The following LUZP2 variants were observed in gnomAD, a reference collection of about 807,000 sequenced individuals.
LUZP2 encodes leucine zipper protein 2.
In LUZP2, 52 loss-of-function variants were observed where a neutral mutation model predicts 51.6. The ratio of observed to expected loss-of-function variants is 1.01; its 90% CI spans 0.81 to 1.27. The LOEUF (loss-of-function observed/expected upper bound fraction) is 1.27. LUZP2 is among the 50% of genes most tolerant of loss of function. The probability of loss-of-function intolerance (pLI) is 0.00; values close to 1 mark genes in which losing one functional copy is unlikely to be tolerated. For synonymous variants in LUZP2, 154 were observed against 137.3 expected (o/e 1.12, Z -0.85); for missense variants, 436 against 395.4 (o/e 1.10, Z -0.87).
intron 5 of LUZP2, among the ~76,000 whole-genome samples, chr11:24,868,275 T>C (rs1259837293): frequency 1.3e-5 from 2 of 152,158 alleles, no homozygotes; most frequent in Non-Finnish European, 1.5e-5. Flanking sequence ...AGCTCTGATA[T>C]GGCACAAAAG....
intron 4 of LUZP2, among the ~76,000 whole-genome samples, chr11:24,747,487 C>T (rs1167801529): frequency 6.6e-6 from 1 of 152,108 alleles, no homozygotes; most frequent in East Asian, 1.9e-4. Context: ...GGGTTCTTAG[C>T]TCTGGTGGTT....
Position 24,765,488 on chromosome 11 carries a change from T to C in LUZP2, c.396+2180T>C, listed in dbSNP as rs939598435. On this transcript the variant is annotated intron_variant, in intron 5 of 11. Transcript: ENST00000336930. ...TAAAGGGATCCTGGATTTTATCAAA[T>C]GCTTTTTCTGCATCTATTGAGACAA... 2.6e-5 allele frequency among the ~76,000 whole-genome samples: 4 copies of C among 152,314 alleles called. No individual in the cohort carries two copies. The South Asian group carries it at 8.3e-4, about 32-fold the overall frequency.
At chr11:24,832,031 G>C (rs1850718793) in intron 5 of LUZP2, 2 of 152,466 alleles carry the variant, frequency 1.3e-5, no homozygotes, top group Non-Finnish European at 2.9e-5. Context: ...AAATAAATAT[G>C]TGTGGAATTA....
intron 7 of LUZP2, among the ~76,000 whole-genome samples, chr11:24,920,532 A>T (rs557798083): frequency 6.6e-6 from 1 of 152,100 alleles, no homozygotes; most frequent in Non-Finnish European, 1.5e-5. Flanking sequence ...AAATATACAG[A>T]ATCAATTGTA....
intron 9 of LUZP2, among the ~76,000 whole-genome samples, chr11:25,049,500 A>G (rs1858424944): frequency 6.6e-6 from 1 of 151,876 alleles, no homozygotes; most frequent in African/African-American, 2.4e-5. Context: ...GTGTTTCTAG[A>G]GAGATGAATT....
intron 8 of LUZP2, among the ~76,000 whole-genome samples, chr11:24,981,444 G>A (rs1419219041): frequency 1.3e-5 from 2 of 151,622 alleles, no homozygotes; most frequent in South Asian, 4.1e-4. Context: ...AGGTTTTGGG[G>A]GTTTTGGCTG....
At position 24,941,595 on chromosome 11, in the gene LUZP2, A is replaced by C. The variant is rs557253253; in HGVS notation, c.522+27057A>C. The stretch of plus-strand genomic sequence containing the variant: ...AGGGCATTTATAGTCTAATGTAGAT[A>C]GTTAGAAACTTTGAGTAGTTTGGGT... On this transcript the variant is annotated intron_variant, in intron 7 of 11. Coordinates refer to ENST00000336930, the MANE Select transcript of LUZP2 (RefSeq NM_001009909.4). Among the ~76,000 whole-genome samples, 4 of 152,290 alleles carry C rather than the reference A, an allele frequency of 2.6e-5. No individual in the cohort carries two copies. In the South Asian group the frequency reaches 8.3e-4, roughly 32 times the overall value.
intron 5 of LUZP2, among the ~76,000 whole-genome samples, chr11:24,854,820 T>A (rs1316273294): frequency 1.3e-5 from 2 of 152,146 alleles, no homozygotes; most frequent in Admixed American, 6.6e-5. Context: ...AAACATAATA[T>A]CTGGGCTGGA....
intron 5 of LUZP2, among the ~76,000 whole-genome samples, chr11:24,787,573 G>A (rs1279811288): frequency 6.6e-6 from 1 of 152,060 alleles, no homozygotes; most frequent in African/African-American, 2.4e-5. Context: ...ATTGACTGTA[G>A]AGTTAAACTC....
At chr11:24,532,293 TTAATA>T (rs1398760299) in intron 1 of LUZP2, among the ~76,000 whole-genome samples, 2 of 150,948 alleles carry the variant, frequency 1.3e-5, no homozygotes, top group Non-Finnish European at 3.0e-5. Flanking sequence ...TTTATATAAT[TTAATA>T]TACAATCTGT....
At chr11:24,510,207 T>C (rs1232012713) in intron 1 of LUZP2, among the ~76,000 whole-genome samples, 1 of 152,210 alleles carries the variant, frequency 6.6e-6, no homozygotes, top group South Asian at 2.1e-4. Flanking sequence ...CTAGCTCTTA[T>C]GTCTTAAAGA....
At chr11:24,961,617 CTTTTA>C (rs1201504856) in intron 7 of LUZP2, among the ~76,000 whole-genome samples, 3 of 152,050 alleles carry the variant, frequency 2.0e-5, no homozygotes, top group African/African-American at 7.2e-5. Flanking sequence ...TTCCTCCATC[CTTTTA>C]TTTTGAGCCT....
intron 1 of LUZP2, among the ~76,000 whole-genome samples, chr11:24,602,366 G>T (rs530148191): frequency 3.5e-5 from 2 of 57,424 alleles, no homozygotes; most frequent in African/African-American, 1.3e-4. Flanking sequence ...CTTTTAAAGT[G>T]TGTGTGTGTA....
chr11:24,968,897 C>T (rs190969295), intron 7 of LUZP2, among the ~76,000 whole-genome samples: 12 of 152,272 alleles, frequency 7.9e-5, no homozygotes, highest in Admixed American at 3.3e-4. Flanking sequence ...TTTCAAGGTT[C>T]GTAGCCTGGC....
intron 1 of LUZP2, among the ~76,000 whole-genome samples, chr11:24,601,842 A>G (rs1261385534): frequency 6.9e-6 from 1 of 145,656 alleles, no homozygotes. Flanking sequence ...TATCACAAAT[A>G]AACAGGTATA....
At chr11:24,770,411 T>C (rs1317147238) in intron 5 of LUZP2, among the ~76,000 whole-genome samples, 3 of 152,200 alleles carry the variant, frequency 2.0e-5, no homozygotes, top group Non-Finnish European at 4.4e-5. Flanking sequence ...GGCATCCTTT[T>C]CCTTTTATTA....
At chr11:24,874,367 T>A (rs569058284) in intron 5 of LUZP2, among the ~76,000 whole-genome samples, 37 of 152,194 alleles carry the variant, frequency 2.4e-4, no homozygotes, top group African/African-American at 8.9e-4. Context: ...GAAACATGGC[T>A]TTATTATATG....
At chr11:24,737,205 G>T (rs74902910) in intron 3 of LUZP2, among the ~76,000 whole-genome samples, 1 of 151,960 alleles carries the variant, frequency 6.6e-6, no homozygotes, top group Non-Finnish European at 1.5e-5. Flanking sequence ...ACGTTCTGTC[G>T]TCTTAATATG....
chr11:24,864,380 G>A (rs1851825801), intron 5 of LUZP2, among the ~76,000 whole-genome samples: 1 of 152,118 alleles, frequency 6.6e-6, no homozygotes, highest in Non-Finnish European at 1.5e-5. Context: ...TATAATTATA[G>A]TATTTATAGT....
Sources: allele counts gnomAD v4.1 joint callset (sites outside exome capture counted in the v4.1 genomes callset), GRCh38; gene constraint gnomAD v4.1.1; transcripts MANE v1.5; gene names NCBI Gene and HGNC (gene_info 2026-07-23, HGNC 2026-07-21).